Variants in MAF observed in about 807,000 individuals in gnomAD.
MAF encodes the protein transcription factor Maf.
A neutral mutation model predicts 22.0 loss-of-function variants in MAF; 10 were observed. That is an observed-to-expected ratio of 0.45 (90% confidence interval 0.28 to 0.77). The LOEUF (loss-of-function observed/expected upper bound fraction) is 0.77, where lower values mean the gene tolerates loss of function less well. Among genes scored for constraint, MAF ranks in the 30% least tolerant of loss-of-function variants. MAF has a pLI of 0.12. For missense variants in MAF, 544 were observed against 548.4 expected (o/e 0.99, Z 0.08); for synonymous variants, 337 against 255.8 (o/e 1.32, Z -3.03).
chr16:79,467,526 G>C, the MAF span, among the ~76,000 whole-genome samples: 1 of 152,316 alleles, frequency 6.6e-6, no homozygotes, highest in East Asian at 1.9e-4. Flanking sequence ...AAACCATACA[G>C]TGTGTAAGTA....
chr16:79,268,764 G>C, the MAF span, among the ~76,000 whole-genome samples: 5 of 152,298 alleles, frequency 3.3e-5, no homozygotes, highest in African/African-American at 7.2e-5. Flanking sequence ...CCAATCCTGA[G>C]AAAGAAATTC....
the MAF span, among the ~76,000 whole-genome samples, chr16:79,301,003 A>G: frequency 6.6e-6 from 1 of 152,002 alleles, no homozygotes; most frequent in Non-Finnish European, 1.5e-5. Context: ...GGAATAAAAG[A>G]GAGGAAAGGG....
At chr16:79,360,671 GA>G in the MAF span, among the ~76,000 whole-genome samples, 1 of 152,190 alleles carries the variant, frequency 6.6e-6, no homozygotes, top group African/African-American at 2.4e-5. Context: ...CAGTCTATAA[GA>G]GGTCAGGGTA....
the MAF span, among the ~76,000 whole-genome samples, chr16:79,277,264 A>G: frequency 1.3e-5 from 2 of 152,120 alleles, no homozygotes; most frequent in Non-Finnish European, 2.9e-5. Context: ...CGCATTTCCA[A>G]AGGAATTCGC....
chr16:79,361,024 G>A, the MAF span, among the ~76,000 whole-genome samples: 1 of 152,172 alleles, frequency 6.6e-6, no homozygotes, highest in African/African-American at 2.4e-5. Flanking sequence ...CAATATTTAT[G>A]TTACTAAACA....
chr16:79,271,076 TTTTTTTA>T, the MAF span, among the ~76,000 whole-genome samples: 4 of 103,876 alleles, frequency 3.9e-5, no homozygotes, highest in Admixed American at 4.3e-4. Flanking sequence ...TTCTGGCATT[TTTTTTTA>T]TTTTTTATTT....
At chr16:79,544,449 A>G in the MAF span, among the ~76,000 whole-genome samples, 4 of 152,088 alleles carry the variant, frequency 2.6e-5, no homozygotes. Context: ...ATTTCCCTAA[A>G]TAATATTCCA....
At chr16:79,443,409 CT>C in the MAF span, among the ~76,000 whole-genome samples, 4 of 152,310 alleles carry the variant, frequency 2.6e-5, no homozygotes, top group Middle Eastern at 6.8e-3. Context: ...GCCCCACTAA[CT>C]GGGGGACTTT....
the MAF span, among the ~76,000 whole-genome samples, chr16:79,427,550 G>A: frequency 2.6e-5 from 4 of 152,186 alleles, no homozygotes; most frequent in South Asian, 2.1e-4. Flanking sequence ...TGGCAGCTGG[G>A]CACTGCTCTC....
chr16:79,487,479 T>A, the MAF span, among the ~76,000 whole-genome samples: 1 of 152,088 alleles, frequency 6.6e-6, no homozygotes, highest in Non-Finnish European at 1.5e-5. Flanking sequence ...AATTAAAAAA[T>A]TAAGTAAAAG....
At chr16:79,310,335 C>T in the MAF span, among the ~76,000 whole-genome samples, 1 of 152,132 alleles carries the variant, frequency 6.6e-6, no homozygotes, top group East Asian at 1.9e-4. Context: ...CCATAGGATG[C>T]CTTTGGCTAT....
chr16:79,270,175 GA>G, the MAF span, among the ~76,000 whole-genome samples: 1 of 152,088 alleles, frequency 6.6e-6, no homozygotes, highest in Non-Finnish European at 1.5e-5. Flanking sequence ...GGAAGCCCCT[GA>G]AAAGCAGATC....
chr16:79,490,057 A>C, the MAF span, among the ~76,000 whole-genome samples: 1 of 152,192 alleles, frequency 6.6e-6, no homozygotes, highest in Non-Finnish European at 1.5e-5. Context: ...GGGTGTGTCT[A>C]AGTGTCTACA....
At chr16:79,310,669 T>C in the MAF span, among the ~76,000 whole-genome samples, 1 of 152,132 alleles carries the variant, frequency 6.6e-6, no homozygotes, top group African/African-American at 2.4e-5. Flanking sequence ...CCTTCTTTTG[T>C]TGGGGGCTCG....
the MAF span, among the ~76,000 whole-genome samples, chr16:79,303,229 T>C: frequency 6.7e-3 from 1,027 of 152,310 alleles, 10 homozygotes; most frequent in African/African-American, 0.023. Flanking sequence ...TCATCTTCTC[T>C]TTACACCTGT....
rs900244139 is a variant in MAF at position 79,594,256 on chromosome 16, C to T, written c.*204G>A. ...CTTGCACACACCATAAATCGAAAAG[C>T]AGGAGTGCGCTTTCCTACCGGTCTC... On this transcript the variant is annotated 3_prime_UTR_variant, in exon 2 of 2. Coordinates refer to ENST00000326043, the MANE Select transcript of MAF (RefSeq NM_005360.5). 5 of 568,124 alleles carry T rather than the reference C, an allele frequency of 8.8e-6. No homozygotes were observed. In the African/African-American group the frequency reaches 9.4e-5, roughly 11 times the overall value. The allele number at this position is 568,124 out of a possible 1,614,324, so 35.2% of individuals were successfully genotyped here.
the MAF span, among the ~76,000 whole-genome samples, chr16:79,213,857 C>CTGA: frequency 6.6e-6 from 1 of 152,224 alleles, no homozygotes; most frequent in African/African-American, 2.4e-5. Context: ...CAAAAGCTAA[C>CTGA]TGATACAGCT....
the MAF span, among the ~76,000 whole-genome samples, chr16:79,443,154 A>G: frequency 2.6e-5 from 4 of 152,050 alleles, no homozygotes; most frequent in Non-Finnish European, 5.9e-5. Flanking sequence ...AGCAAAACTG[A>G]TGCTTGGTCT....
the MAF span, among the ~76,000 whole-genome samples, chr16:79,550,665 C>T: frequency 6.6e-6 from 1 of 152,130 alleles, no homozygotes. Flanking sequence ...TCACTCACTG[C>T]CTTTGTCCAT....
Sources: allele counts gnomAD v4.1 joint callset (sites outside exome capture counted in the v4.1 genomes callset), GRCh38; gene constraint gnomAD v4.1.1; transcripts MANE v1.5; gene names NCBI Gene and HGNC (gene_info 2026-07-23, HGNC 2026-07-21).